The following ARB2A variants were observed in gnomAD, a reference collection of about 807,000 sequenced individuals.
ARB2A encodes the protein ARB2 cotranscriptional regulator A, also known as cotranscriptional regulator ARB2A.
the ARB2A span, chr5:93,620,846 C>T: frequency 9.2e-7 from 1 of 1,086,790 alleles, no homozygotes; most frequent in Non-Finnish European, 1.3e-6. Flanking sequence ...ATGCAAAACG[C>T]TATTTAGATG....
At chr5:93,744,287 C>G in the ARB2A span, among the ~76,000 whole-genome samples, 1 of 151,342 alleles carries the variant, frequency 6.6e-6, no homozygotes, top group Non-Finnish European at 1.5e-5. Flanking sequence ...ATACAAAAAT[C>G]AGCCAGGCAT....
the ARB2A span, among the ~76,000 whole-genome samples, chr5:93,628,052 A>ATTTTT: frequency 1.5e-5 from 1 of 68,302 alleles, no homozygotes; most frequent in Non-Finnish European, 2.8e-5. Flanking sequence ...ATGTAGCATA[A>ATTTTT]TTTTTTTTTT....
chr5:94,104,898 A>G, the ARB2A span, among the ~76,000 whole-genome samples: 1 of 152,010 alleles, frequency 6.6e-6, no homozygotes, highest in East Asian at 1.9e-4. Context: ...AAAAACAAAA[A>G]CCATATGATC....
chr5:93,668,479 T>C, the ARB2A span, among the ~76,000 whole-genome samples: 7 of 152,208 alleles, frequency 4.6e-5, no homozygotes, highest in South Asian at 2.1e-4. Flanking sequence ...AGTCCACATA[T>C]ATAAGAATAA....
chr5:94,031,877 C>A, the ARB2A span, among the ~76,000 whole-genome samples: 1 of 152,214 alleles, frequency 6.6e-6, no homozygotes, highest in Non-Finnish European at 1.5e-5. Context: ...ACCTTTGTGG[C>A]ACAATGCCAT....
At chr5:94,084,273 TCA>T in the ARB2A span, among the ~76,000 whole-genome samples, 3 of 9,774 alleles carry the variant, frequency 3.1e-4, no homozygotes, top group Admixed American at 1.2e-3. Flanking sequence ...AAACTTCATC[TCA>T]AAAAAAAAAA....
At chr5:93,854,361 G>T in the ARB2A span, among the ~76,000 whole-genome samples, 1 of 151,670 alleles carries the variant, frequency 6.6e-6, no homozygotes, top group African/African-American at 2.4e-5. Flanking sequence ...TTCTTTATTA[G>T]TCTTGCTAGC....
chr5:94,042,788 C>T, the ARB2A span, among the ~76,000 whole-genome samples: 3 of 152,100 alleles, frequency 2.0e-5, no homozygotes, highest in Non-Finnish European at 4.4e-5. Context: ...AAAAGTCATA[C>T]AGGAAGTATA....
chr5:94,050,890 C>G, the ARB2A span: 1 of 1,169,540 alleles, frequency 8.6e-7, no homozygotes, highest in Non-Finnish European at 1.2e-6. Flanking sequence ...ATAATATAAA[C>G]AGTACAACAA....
chr5:93,841,613 T>C, the ARB2A span, among the ~76,000 whole-genome samples: 4 of 152,198 alleles, frequency 2.6e-5, no homozygotes, highest in African/African-American at 7.2e-5. Context: ...CATAATCAGA[T>C]GAACAGGTAA....
chr5:93,747,644 TG>T, the ARB2A span, among the ~76,000 whole-genome samples: 1 of 152,118 alleles, frequency 6.6e-6, no homozygotes, highest in African/African-American at 2.4e-5. Context: ...CAAACTAGGT[TG>T]TCAGCCTCTC....
chr5:93,769,957 A>G, the ARB2A span, among the ~76,000 whole-genome samples: 2 of 152,208 alleles, frequency 1.3e-5, no homozygotes, highest in African/African-American at 4.8e-5. Flanking sequence ...GCTGAATAAT[A>G]AAAGTAACTT....
chr5:93,905,122 A>G, the ARB2A span, among the ~76,000 whole-genome samples: 1 of 151,728 alleles, frequency 6.6e-6, no homozygotes, highest in Admixed American at 6.6e-5. Context: ...ATATTGCTTA[A>G]ACAGCTTAAA....
chr5:93,851,631 G>C, the ARB2A span, among the ~76,000 whole-genome samples: 3 of 152,088 alleles, frequency 2.0e-5, no homozygotes, highest in Admixed American at 6.6e-5. Context: ...AGTGCCCAGA[G>C]TGTGATGTTC....
chr5:94,040,253 G>A, the ARB2A span, among the ~76,000 whole-genome samples: 254 of 152,258 alleles, frequency 1.7e-3, 4 homozygotes, highest in East Asian at 0.045. Context: ...GTACAGGATC[G>A]TGGGACATGG....
At chr5:93,645,703 T>A in the ARB2A span, among the ~76,000 whole-genome samples, 612 of 152,290 alleles carry the variant, frequency 4.0e-3, 3 homozygotes, top group African/African-American at 0.014. Flanking sequence ...TGTTTAAAAA[T>A]TTTTAGGAAC....
At chr5:93,697,446 C>T in the ARB2A span, among the ~76,000 whole-genome samples, 1 of 152,104 alleles carries the variant, frequency 6.6e-6, no homozygotes, top group African/African-American at 2.4e-5. Flanking sequence ...TTACAAACAG[C>T]AGACTGAATA....
chr5:94,025,014 G>T, the ARB2A span, among the ~76,000 whole-genome samples: 1 of 152,208 alleles, frequency 6.6e-6, no homozygotes, highest in Non-Finnish European at 1.5e-5. Flanking sequence ...ATTTCACTTT[G>T]CAGAGAAACA....
At chr5:93,823,505 C>T in the ARB2A span, among the ~76,000 whole-genome samples, 6 of 152,092 alleles carry the variant, frequency 3.9e-5, no homozygotes, top group Non-Finnish European at 7.4e-5. Context: ...TCAAAATATT[C>T]TCAAGTATTC....
Sources: gnomAD v4.1 joint callset for allele counts (sites outside exome capture counted in the v4.1 genomes callset) on GRCh38, gnomAD v4.1.1 for gene constraint, MANE v1.5 for transcripts, NCBI Gene and HGNC (gene_info 2026-07-23, HGNC 2026-07-21) for gene names.